Variants in ATF2 observed in about 807,000 individuals in gnomAD.
ATF2 encodes the protein cyclic AMP-dependent transcription factor ATF-2.
In ATF2, 24 loss-of-function variants were observed where a neutral mutation model predicts 60.6. The ratio of observed to expected loss-of-function variants is 0.40; its 90% CI spans 0.29 to 0.56. The LOEUF is 0.56. Ranked by LOEUF, ATF2 falls within the 20% of genes least tolerant of loss-of-function variation. ATF2 has a pLI of 0.54. For missense variants in ATF2, 433 were observed against 607.7 expected (o/e 0.71, Z 3.02); for synonymous variants, 206 against 215.4 (o/e 0.96, Z 0.38).
chr2:175,135,903 A>G (rs1698109377), intron 3 of ATF2, among the ~76,000 whole-genome samples: 1 of 152,198 alleles, frequency 6.6e-6, no homozygotes, highest in African/African-American at 2.4e-5. Context: ...TAACCCTTCA[A>G]TAGCAATGCT....
At chr2:175,140,958 A>G (rs1574465777) in intron 2 of ATF2, among the ~76,000 whole-genome samples, 1 of 130,246 alleles carries the variant, frequency 7.7e-6, no homozygotes, top group African/African-American at 2.8e-5. Flanking sequence ...GCTCTTGCCA[A>G]TACACTCCAG....
intron 10 of ATF2, among the ~76,000 whole-genome samples, chr2:175,099,908 T>G (rs1695193959): frequency 6.6e-6 from 1 of 152,212 alleles, no homozygotes; most frequent in Admixed American, 6.5e-5. Flanking sequence ...TCTGAAACTT[T>G]GTGGCTTAAT....
chr2:175,103,702 G>A (rs551227059), intron 10 of ATF2, among the ~76,000 whole-genome samples: 4 of 151,246 alleles, frequency 2.6e-5, no homozygotes, highest in African/African-American at 9.7e-5. Context: ...AAAAGATTCT[G>A]GAGGATACTA....
rs774722136 is a variant in ATF2 at position 175,117,880 on chromosome 2, T to C, written c.447+110A>G. ...TGACAGGCTTTCACATATAAAACTA[T>C]TGCAAGCTGACACTGAATTTAATAC... is the stretch of plus-strand genomic sequence containing the variant. On this transcript the variant is annotated intron_variant, in intron 7 of 13. Transcript: ENST00000264110. 1.8e-4 allele frequency: 223 copies of C among 1,228,780 alleles called. 1 individual carries two copies. Among genetic ancestry groups the C allele is most frequent in the Non-Finnish European group, 2.3e-4 (216 of 923,400 alleles). The allele number at this position is 1,228,780 out of a possible 1,614,324, so 76.1% of individuals were successfully genotyped here.
chr2:175,076,930 A>G (rs1320620467), intron 13 of ATF2, among the ~76,000 whole-genome samples: 2 of 148,858 alleles, frequency 1.3e-5, no homozygotes, highest in Middle Eastern at 3.4e-3. Flanking sequence ...TATATCTCCC[A>G]ATGCTATCCC....
chr2:175,100,698 C>A (rs952654704), intron 10 of ATF2, among the ~76,000 whole-genome samples: 2 of 152,228 alleles, frequency 1.3e-5, no homozygotes, highest in African/African-American at 4.8e-5. Context: ...TGTTCCTCTT[C>A]CTTATTTGAA....
chr2:175,097,715 G>C (rs1355928748), intron 10 of ATF2, 122 bp from the exon 11 acceptor site: 2 of 1,018,134 alleles, frequency 2.0e-6, no homozygotes, highest in Non-Finnish European at 2.9e-6. Flanking sequence ...TACTACTAGA[G>C]GATTCTGTAT....
chr2:175,081,147 C>A (rs890697609), intron 12 of ATF2, among the ~76,000 whole-genome samples: 1 of 152,042 alleles, frequency 6.6e-6, no homozygotes, highest in African/African-American at 2.4e-5. Flanking sequence ...TGATTCCATT[C>A]ACCTAAAAAT....
At position 175,127,773 on chromosome 2, in the gene ATF2, T is replaced by G. The variant is rs375325252; in HGVS notation, c.102+2365A>C. On this transcript the variant is annotated intron_variant, in intron 4 of 13. Coordinates refer to ENST00000264110, the MANE Select transcript of ATF2 (RefSeq NM_001880.4). Reference sequence around the variant, plus strand: ...TTTTCTTCAGGTCTTTGTTCAAATGTCACCTTAGCAGAGGCACATTCCCTG... The same window carrying G: ...TTTTCTTCAGGTCTTTGTTCAAATGGCACCTTAGCAGAGGCACATTCCCTG... Among the ~76,000 whole-genome samples the G allele has an allele frequency of 3.8e-4, 58 of 152,316 alleles. 4 individuals are homozygous for G. The highest frequency in any genetic ancestry group is 2.0e-3 in the Admixed American group (30 of 15,298).
chr2:175,082,866 A>C (rs1302712759), intron 12 of ATF2, among the ~76,000 whole-genome samples: 1 of 152,228 alleles, frequency 6.6e-6, no homozygotes, highest in Non-Finnish European at 1.5e-5. Flanking sequence ...AACTCAGAAC[A>C]GTTTAGAATG....
intron 3 of ATF2, among the ~76,000 whole-genome samples, chr2:175,130,919 G>C (rs1697682621): frequency 6.6e-6 from 1 of 152,224 alleles, no homozygotes; most frequent in South Asian, 2.1e-4. Flanking sequence ...TTAATCTTCT[G>C]AGTCCAAGTT....
At chr2:175,134,435 TAA>T (rs1193569024) in intron 3 of ATF2, among the ~76,000 whole-genome samples, 2 of 146,398 alleles carry the variant, frequency 1.4e-5, no homozygotes, top group Non-Finnish European at 3.0e-5. Context: ...AGAAGTGGAG[TAA>T]GAGATTGAAA....
chr2:175,103,521 C>T (rs1574370043), intron 10 of ATF2, among the ~76,000 whole-genome samples: 1 of 152,162 alleles, frequency 6.6e-6, no homozygotes, highest in Middle Eastern at 3.4e-3. Context: ...AAGAATTCTG[C>T]TGAACATGAG....
chr2:175,095,240 G>A (rs1178810665), intron 11 of ATF2, among the ~76,000 whole-genome samples: 1 of 151,878 alleles, frequency 6.6e-6, no homozygotes, highest in Non-Finnish European at 1.5e-5. Context: ...TCGGATTACA[G>A]GTGCCCACCA....
At chr2:175,124,441 G>A (rs916762760) in intron 4 of ATF2, among the ~76,000 whole-genome samples, 1 of 151,668 alleles carries the variant, frequency 6.6e-6, no homozygotes, top group Non-Finnish European at 1.5e-5. Flanking sequence ...TGTTACTAAG[G>A]CTTGACCACT....
In ATF2 at chr2:175,110,417, T is replaced by C. The variant is rs560597641; in HGVS notation, c.828+1151A>G. On this transcript the variant is annotated intron_variant, in intron 10 of 13. Coordinates refer to ENST00000264110, the MANE Select transcript of ATF2 (RefSeq NM_001880.4). Reference sequence around the variant, plus strand: ...TGTATTTAGTATAGTGCCTAGCAAATAACTGAAGCAAATAGAAGGTGTCTA... The same window carrying C: ...TGTATTTAGTATAGTGCCTAGCAAACAACTGAAGCAAATAGAAGGTGTCTA... Among the ~76,000 whole-genome samples, 5 of 152,248 alleles carry C rather than the reference T, an allele frequency of 3.3e-5. No homozygotes were observed. In the South Asian group the frequency reaches 1.0e-3, roughly 32 times the overall value.
chr2:175,146,284 G>A (rs35932938), intron 2 of ATF2, among the ~76,000 whole-genome samples: 10,623 of 152,172 alleles, frequency 0.07, 378 homozygotes, highest in East Asian at 0.13. Context: ...AAAGACCAAT[G>A]CGACATAACA....
At chr2:175,096,421 G>A (rs1694941509) in intron 11 of ATF2, among the ~76,000 whole-genome samples, 1 of 152,178 alleles carries the variant, frequency 6.6e-6, no homozygotes, top group Non-Finnish European at 1.5e-5. Flanking sequence ...ACCTACATAT[G>A]TGTGTATATG....
chr2:175,150,022 G>A (rs1699201488), intron 2 of ATF2, among the ~76,000 whole-genome samples: 1 of 152,148 alleles, frequency 6.6e-6, no homozygotes, highest in African/African-American at 2.4e-5. Context: ...CTGACCTAAT[G>A]GAGCTTATAT....
Sources: gnomAD v4.1 joint callset for allele counts (sites outside exome capture counted in the v4.1 genomes callset) on GRCh38, gnomAD v4.1.1 for gene constraint, MANE v1.5 for transcripts, NCBI Gene and HGNC (gene_info 2026-07-23, HGNC 2026-07-21) for gene names.